STX8: variants seen among roughly 807,000 people sequenced by gnomAD.
The protein encoded by STX8 is syntaxin-8.
In STX8, 23 loss-of-function variants were observed where a neutral mutation model predicts 37.5. That is an observed-to-expected ratio of 0.61 (90% confidence interval 0.44 to 0.87). The LOEUF is 0.87. Ranked by LOEUF, STX8 falls within the 40% of genes least tolerant of loss-of-function variation. The pLI, the probability that STX8 is intolerant of heterozygous loss-of-function variation, is 0.00. For missense variants in STX8, 313 were observed against 284.7 expected, an observed-to-expected ratio of 1.10 and a Z score of -0.71; for synonymous variants, 115 against 99.1, an observed-to-expected ratio of 1.16 and a Z score of -0.95.
rs150872147 is a variant in STX8 at position 9,493,745 on chromosome 17, T to TAATC, written c.449-1828_449-1825dup. ...AGAGTTCTTTTGACCTCTTGTTAGC[T>TAATC]AATCCCTCGTTACTCTAATCCCTGT... On this transcript the variant is annotated intron_variant, in intron 5 of 7. Transcript: ENST00000306357. Among the ~76,000 whole-genome samples the TAATC allele has an allele frequency of 3.3e-3, 501 of 152,320 alleles. 6 individuals carry two copies. The highest frequency in any genetic ancestry group is 0.012 in the African/African-American group (480 of 41,564).
At chr17:9,471,106 C>G (rs1173315617) in intron 6 of STX8, among the ~76,000 whole-genome samples, 1 of 122,016 alleles carries the variant, frequency 8.2e-6, no homozygotes, top group African/African-American at 3.1e-5. Context: ...GTGATCTTGG[C>G]TCACTGCAAC....
chr17:9,355,179 C>T (rs1295087199), intron 7 of STX8, among the ~76,000 whole-genome samples: 2 of 152,028 alleles, frequency 1.3e-5, no homozygotes, highest in Non-Finnish European at 2.9e-5. Flanking sequence ...TATGGTTACT[C>T]CTGTCTGTCA....
chr17:9,293,890 T>C (rs1908413281), intron 7 of STX8, among the ~76,000 whole-genome samples: 1 of 151,942 alleles, frequency 6.6e-6, no homozygotes, highest in South Asian at 2.1e-4. Context: ...GCCTCCCAAG[T>C]ACCTGGGACT....
At chr17:9,546,148 A>G (rs1906498670) in intron 3 of STX8, among the ~76,000 whole-genome samples, 1 of 152,212 alleles carries the variant, frequency 6.6e-6, no homozygotes, top group African/African-American at 2.4e-5. Flanking sequence ...ATAAATTGTT[A>G]CCATCAGTTC....
intron 6 of STX8, among the ~76,000 whole-genome samples, chr17:9,457,559 G>A (rs550005214): frequency 9.8e-4 from 149 of 152,332 alleles, no homozygotes; most frequent in African/African-American, 3.4e-3. Flanking sequence ...CTCTGGCCAC[G>A]TAAAGTAACA....
chr17:9,317,779 A>G (rs1417388171), intron 7 of STX8, among the ~76,000 whole-genome samples: 2 of 151,972 alleles, frequency 1.3e-5, no homozygotes, highest in Non-Finnish European at 2.9e-5. Context: ...AAGAAAAAAA[A>G]AAAAAAAAAG....
chr17:9,486,132 G>C (rs563998029), intron 6 of STX8, among the ~76,000 whole-genome samples: 71 of 152,026 alleles, frequency 4.7e-4, no homozygotes, highest in Non-Finnish European at 9.0e-4. Flanking sequence ...GATAATGAAC[G>C]GCCTAAAAGT....
At chr17:9,511,359 A>C (rs926655732) in intron 4 of STX8, among the ~76,000 whole-genome samples, 1 of 152,166 alleles carries the variant, frequency 6.6e-6, no homozygotes, top group Admixed American at 6.5e-5. Context: ...AAAAATCCTC[A>C]ATACTAGCAA....
chr17:9,561,658 T>C (rs1291807003), intron 2 of STX8, among the ~76,000 whole-genome samples: 16 of 33,578 alleles, frequency 4.8e-4, no homozygotes, highest in Non-Finnish European at 8.4e-4. Flanking sequence ...CAAAACTCCA[T>C]CTGGCCAAAA....
At chr17:9,302,478 C>T (rs1032832471) in intron 7 of STX8, among the ~76,000 whole-genome samples, 1 of 152,054 alleles carries the variant, frequency 6.6e-6, no homozygotes, top group Non-Finnish European at 1.5e-5. Context: ...GTTACCTATT[C>T]TTATTTTTTT....
intron 3 of STX8, among the ~76,000 whole-genome samples, chr17:9,552,587 A>G (rs1418737049): frequency 6.6e-6 from 1 of 151,998 alleles, no homozygotes; most frequent in Non-Finnish European, 1.5e-5. Context: ...CTATGCACTT[A>G]TCTATCTACT....
At chr17:9,378,898 A>C (rs1308488112) in intron 6 of STX8, among the ~76,000 whole-genome samples, 1 of 152,164 alleles carries the variant, frequency 6.6e-6, no homozygotes, top group Non-Finnish European at 1.5e-5. Context: ...ATTCAGAGGA[A>C]AGAAAGCATG....
At chr17:9,505,345 A>G (rs1269425433) in intron 4 of STX8, among the ~76,000 whole-genome samples, 183 bp from the exon 5 acceptor site, 1 of 152,214 alleles carries the variant, frequency 6.6e-6, no homozygotes, top group Non-Finnish European at 1.5e-5. Flanking sequence ...AAGGATGAAT[A>G]AGGCACAAGC....
chr17:9,376,414 A>AGACCAATCAGCACTCTGTAAAATG (rs1177644485), intron 7 of STX8, among the ~76,000 whole-genome samples: 4 of 151,854 alleles, frequency 2.6e-5, no homozygotes, highest in South Asian at 2.1e-4. Context: ...CTGTAAAAAT[A>AGACCAATCAGCACTCTGTAAAATG]GACCAATCAG....
chr17:9,300,830 C>CTTTTTT (rs1164799565), intron 7 of STX8, among the ~76,000 whole-genome samples: 31 of 90,888 alleles, frequency 3.4e-4, no homozygotes, highest in Admixed American at 7.5e-4. Flanking sequence ...TTATTTTGTT[C>CTTTTTT]TTTTTTTTTT....
chr17:9,301,653 TG>T (rs71135960), intron 7 of STX8, among the ~76,000 whole-genome samples: 11,205 of 139,788 alleles, frequency 0.08, 557 homozygotes, highest in Middle Eastern at 0.14. Flanking sequence ...CGGCCATTTT[TG>T]TTTTTTTTTT....
At chr17:9,442,835 G>T (rs969250603) in intron 6 of STX8, among the ~76,000 whole-genome samples, 2 of 152,132 alleles carry the variant, frequency 1.3e-5, no homozygotes, top group Non-Finnish European at 2.9e-5. Flanking sequence ...CAGTGGTGTG[G>T]TATATTATTA....
chr17:9,316,896 T>C (rs1243595592), intron 7 of STX8, among the ~76,000 whole-genome samples: 1 of 152,206 alleles, frequency 6.6e-6, no homozygotes, highest in East Asian at 1.9e-4. Flanking sequence ...GGACATCTAA[T>C]TGGTATCCGC....
In STX8 at chr17:9,514,903, T is replaced by C. The variant is rs191679782; in HGVS notation, c.324-9741A>G. On this transcript the variant is annotated intron_variant, in intron 4 of 7. Coordinates refer to ENST00000306357, the MANE Select transcript of STX8 (RefSeq NM_004853.3). ...TCGCTGTACACACGCTGTCCCACAATATGGAGTGAACAGCTAATAGCATAT... is the reference window on the plus strand; with the variant it reads ...TCGCTGTACACACGCTGTCCCACAACATGGAGTGAACAGCTAATAGCATAT... 2.6e-5 allele frequency among the ~76,000 whole-genome samples: 4 copies of C among 152,276 alleles called. No individual in the cohort carries two copies. In the East Asian group the frequency reaches 5.8e-4, roughly 22 times the overall value.
Sources: gnomAD v4.1 joint callset for allele counts (sites outside exome capture counted in the v4.1 genomes callset) on GRCh38, gnomAD v4.1.1 for gene constraint, MANE v1.5 for transcripts, NCBI Gene and HGNC (gene_info 2026-07-23, HGNC 2026-07-21) for gene names.